Variants in PTPRD observed in about 807,000 individuals in gnomAD.
The protein encoded by PTPRD is receptor-type tyrosine-protein phosphatase delta.
A neutral mutation model predicts 214.5 loss-of-function variants in PTPRD; 34 were observed. That is an observed-to-expected ratio of 0.16 (90% CI 0.12 to 0.21). The LOEUF (loss-of-function observed/expected upper bound fraction) is 0.21. PTPRD is among the 10% of genes least tolerant of loss of function. PTPRD has a pLI of 1.00. For missense variants in PTPRD, 2,545 were observed against 2,398.7 expected, an observed-to-expected ratio of 1.06 and a Z score of -1.27; for synonymous variants, 1,128 against 845.7, an observed-to-expected ratio of 1.33 and a Z score of -5.79.
chr9:8,872,601 C>A (rs1048905067), intron 11 of PTPRD, among the ~76,000 whole-genome samples: 2 of 152,196 alleles, frequency 1.3e-5, no homozygotes, highest in African/African-American at 2.4e-5. Flanking sequence ...CGTGATAGAA[C>A]TAGGATAAAA....
chr9:9,205,851 A>G (rs1019985544), intron 9 of PTPRD, among the ~76,000 whole-genome samples: 2 of 152,194 alleles, frequency 1.3e-5, no homozygotes, highest in African/African-American at 4.8e-5. Flanking sequence ...CCTCATGGTT[A>G]GTCTCAGGTG....
chr9:9,653,387 G>C (rs59907231), intron 7 of PTPRD, among the ~76,000 whole-genome samples: 1 of 56,758 alleles, frequency 1.8e-5, no homozygotes, highest in Non-Finnish European at 3.7e-5. Flanking sequence ...AAAAAAAAAA[G>C]TGCCTCATTC....
rs140852639 is a variant in PTPRD at position 10,286,051 on chromosome 9, G to A, written c.-545+54912C>T. 3.3e-5 allele frequency among the ~76,000 whole-genome samples: 5 copies of A among 152,174 alleles called. No individual in the cohort carries two copies. The East Asian group carries it at 9.7e-4, about 29-fold the overall frequency. On this transcript the variant is annotated intron_variant, in intron 3 of 45. Coordinates refer to ENST00000381196, the MANE Select transcript of PTPRD (RefSeq NM_002839.4). ...AGTTAGCATTAATAAGGGTATATAT[G>A]TGTATGTATATGCATGTATGTTTGT...
chr9:8,868,743 T>C (rs2098243095), intron 11 of PTPRD, among the ~76,000 whole-genome samples: 2 of 152,206 alleles, frequency 1.3e-5, no homozygotes, highest in Admixed American at 1.3e-4. Flanking sequence ...ACAAATGAGA[T>C]GCAGTCCAAA....
chr9:9,759,314 C>T (rs1183594435), intron 6 of PTPRD, among the ~76,000 whole-genome samples: 1 of 152,060 alleles, frequency 6.6e-6, no homozygotes, highest in East Asian at 1.9e-4. Context: ...GCACTGACTG[C>T]CGCAAACCCC....
chr9:9,162,452 G>A (rs1484827724), intron 10 of PTPRD, among the ~76,000 whole-genome samples: 2 of 152,104 alleles, frequency 1.3e-5, no homozygotes, highest in African/African-American at 2.4e-5. Context: ...CACTGCCCAA[G>A]TAACAACCAG....
intron 9 of PTPRD, among the ~76,000 whole-genome samples, chr9:9,354,901 A>G (rs1368036874): frequency 6.6e-6 from 1 of 151,744 alleles, no homozygotes; most frequent in Non-Finnish European, 1.5e-5. Flanking sequence ...GCCTAAGGAT[A>G]GTCCATGCCT....
At chr9:8,743,420 A>C (rs1488161240) in intron 11 of PTPRD, among the ~76,000 whole-genome samples, 1 of 152,194 alleles carries the variant, frequency 6.6e-6, no homozygotes, top group East Asian at 1.9e-4. Context: ...ATGGGAGCTT[A>C]GCTCTTCTCT....
At chr9:9,837,535 A>G (rs1164951428) in intron 5 of PTPRD, among the ~76,000 whole-genome samples, 1 of 152,082 alleles carries the variant, frequency 6.6e-6, no homozygotes, top group Admixed American at 6.6e-5. Flanking sequence ...ATAGAGGGGT[A>G]TGTTTTAGGT....
At chr9:8,349,538 T>G (rs928267072) in intron 39 of PTPRD, among the ~76,000 whole-genome samples, 3 of 152,176 alleles carry the variant, frequency 2.0e-5, no homozygotes, top group African/African-American at 7.2e-5. Context: ...CTGTTTGTTT[T>G]TCATCATTTC....
chr9:8,652,044 T>C (rs1031358791), intron 12 of PTPRD, among the ~76,000 whole-genome samples: 1 of 152,180 alleles, frequency 6.6e-6, no homozygotes, highest in Non-Finnish European at 1.5e-5. Context: ...TGGGAGGCTT[T>C]CCAAAGAAGC....
At chr9:8,732,026 A>G (rs186167975) in intron 12 of PTPRD, among the ~76,000 whole-genome samples, 1 of 152,382 alleles carries the variant, frequency 6.6e-6, no homozygotes, top group East Asian at 1.9e-4. Flanking sequence ...AAAAATTGCT[A>G]ACAAGGGCCT....
At chr9:8,774,940 A>G in intron 11 of PTPRD, among the ~76,000 whole-genome samples, 1 of 152,352 alleles carries the variant, frequency 6.6e-6, no homozygotes, top group South Asian at 2.1e-4. Context: ...AATTGAAAAT[A>G]TAGTGAATAT....
chr9:10,128,846 T>C (rs530977266), intron 3 of PTPRD, among the ~76,000 whole-genome samples: 1 of 152,154 alleles, frequency 6.6e-6, no homozygotes. Flanking sequence ...CTGGGAGATA[T>C]TACATGTGAC....
rs188342793 is a variant in PTPRD, at chr9:8,562,965, C to A, written c.353-34186G>T. 5.3e-3 allele frequency among the ~76,000 whole-genome samples: 796 copies of A among 151,308 alleles called. 9 individuals carry two copies. Among genetic ancestry groups the A allele is most frequent in the African/African-American group, 0.018 (758 of 41,198 alleles). ...ACTTAGTGTTTTTTGCATATGGGCACCCACTTTTTCCAGCACCAATTGTTG... is the reference window on the plus strand; with the variant it reads ...ACTTAGTGTTTTTTGCATATGGGCAACCACTTTTTCCAGCACCAATTGTTG... On this transcript the variant is annotated intron_variant, in intron 14 of 45. Transcript: ENST00000381196.
chr9:8,931,603 G>A (rs1364927505), intron 11 of PTPRD, among the ~76,000 whole-genome samples: 1 of 152,110 alleles, frequency 6.6e-6, no homozygotes, highest in African/African-American at 2.4e-5. Context: ...AGCATGGAAT[G>A]TTCTTCCATT....
intron 9 of PTPRD, among the ~76,000 whole-genome samples, chr9:9,391,572 A>T (rs527679499): frequency 1.2e-3 from 182 of 152,330 alleles, no homozygotes; most frequent in African/African-American, 4.3e-3. Flanking sequence ...TCTGTTTTGC[A>T]TACACAAAAT....
At chr9:10,393,669 C>T (rs1416237270) in intron 2 of PTPRD, among the ~76,000 whole-genome samples, 1 of 146,590 alleles carries the variant, frequency 6.8e-6, no homozygotes, top group Non-Finnish European at 1.5e-5. Flanking sequence ...GAGAGAGAGA[C>T]ACTCTATTGG....
intron 33 of PTPRD, among the ~76,000 whole-genome samples, chr9:8,459,637 G>A (rs984935161): frequency 1.3e-5 from 2 of 152,062 alleles, no homozygotes; most frequent in Non-Finnish European, 2.9e-5. Flanking sequence ...GAGATTAGAT[G>A]TTAGAGGCAG....
Sources: allele counts gnomAD v4.1 joint callset (sites outside exome capture counted in the v4.1 genomes callset), GRCh38; gene constraint gnomAD v4.1.1; transcripts MANE v1.5; gene names NCBI Gene and HGNC (gene_info 2026-07-23, HGNC 2026-07-21).